Variants in PRTFDC1 observed in about 807,000 individuals in gnomAD.
PRTFDC1 encodes phosphoribosyl transferase domain containing 1.
A neutral mutation model predicts 34.6 loss-of-function variants in PRTFDC1; 38 were observed. The observed-to-expected ratio is 1.10, with a 90% CI of 0.85 to 1.44. The LOEUF is 1.44. PRTFDC1 is among the 40% of genes most tolerant of loss of function. The pLI is 0.00. For synonymous variants in PRTFDC1, 93 were observed against 98.1 expected, an observed-to-expected ratio of 0.95 and a Z score of 0.31; for missense variants, 270 against 283.0, an observed-to-expected ratio of 0.95 and a Z score of 0.33.
At chr10:24,889,118 G>A (rs560113431) in intron 3 of PRTFDC1, among the ~76,000 whole-genome samples, 12 of 152,236 alleles carry the variant, frequency 7.9e-5, no homozygotes, top group Admixed American at 3.3e-4. Flanking sequence ...CATGAAGGCT[G>A]AGCCCTTGTG....
intron 3 of PRTFDC1, among the ~76,000 whole-genome samples, chr10:24,921,446 G>A (rs1201521370): frequency 6.6e-6 from 1 of 152,112 alleles, no homozygotes; most frequent in African/African-American, 2.4e-5. Flanking sequence ...AGAGAGGAAG[G>A]AGTCATTCCA....
intron 3 of PRTFDC1, among the ~76,000 whole-genome samples, chr10:24,884,999 T>C (rs1848141835): frequency 6.6e-6 from 1 of 152,226 alleles, no homozygotes; most frequent in African/African-American, 2.4e-5. Context: ...CTGGGGGCCC[T>C]GTCTTCAACT....
At chr10:24,924,417 C>T (rs888622632) in intron 3 of PRTFDC1, among the ~76,000 whole-genome samples, 5 of 152,102 alleles carry the variant, frequency 3.3e-5, no homozygotes, top group African/African-American at 9.7e-5. Context: ...GGTTGGGTTA[C>T]CCACAAAGGG....
intron 7 of PRTFDC1, among the ~76,000 whole-genome samples, chr10:24,853,575 T>A (rs1847527195): frequency 6.6e-6 from 1 of 152,026 alleles, no homozygotes; most frequent in Non-Finnish European, 1.5e-5. Context: ...GCCACTGCAC[T>A]GGGCGACAGA....
At chr10:24,918,834 A>C (rs1848736814) in intron 3 of PRTFDC1, among the ~76,000 whole-genome samples, 1 of 152,150 alleles carries the variant, frequency 6.6e-6, no homozygotes, top group Non-Finnish European at 1.5e-5. Flanking sequence ...ACAAAGGAAA[A>C]CCCATAAAAA....
At chr10:24,923,771 G>A (rs1012622404) in intron 3 of PRTFDC1, among the ~76,000 whole-genome samples, 5 of 152,200 alleles carry the variant, frequency 3.3e-5, no homozygotes, top group African/African-American at 7.2e-5. Flanking sequence ...CTCCTCACCA[G>A]CAATGGAACA....
intron 4 of PRTFDC1, among the ~76,000 whole-genome samples, chr10:24,862,718 C>A (rs187492364): frequency 1.1e-4 from 17 of 151,944 alleles, no homozygotes; most frequent in Admixed American, 6.6e-5. Context: ...TTTATGGCAA[C>A]CCTGTGTTGA....
At position 24,880,819 on chromosome 10, in the gene PRTFDC1, C is replaced by CTTTCTTTCTTTCTTTCT. The variant is rs1477713051; in HGVS notation, c.340-8773_340-8757dup. ...ATTCCACTTTACTGTCTTTCTCTTT[C>CTTTCTTTCTTTCTTTCT]TTTCTTTCTTTCTTTCTTTCTTTCT... On this transcript the variant is annotated intron_variant, in intron 3 of 8. Coordinates refer to ENST00000320152, the MANE Select transcript of PRTFDC1 (RefSeq NM_020200.7). Among the ~76,000 whole-genome samples, 575 of 89,618 alleles carry CTTTCTTTCTTTCTTTCT rather than the reference C, an allele frequency of 6.4e-3. 6 individuals are homozygous for CTTTCTTTCTTTCTTTCT. Among genetic ancestry groups the CTTTCTTTCTTTCTTTCT allele is most frequent in the East Asian group, 0.029 (117 of 3,986 alleles). The allele number at this position is 89,618 out of a possible 152,430, so 58.8% of individuals were successfully genotyped here.
chr10:24,939,400 C>T (rs1456227595), intron 2 of PRTFDC1, among the ~76,000 whole-genome samples: 1 of 150,870 alleles, frequency 6.6e-6, no homozygotes, highest in African/African-American at 2.4e-5. Context: ...ACGATAGATA[C>T]TAAACATTAT....
intron 3 of PRTFDC1, among the ~76,000 whole-genome samples, chr10:24,888,370 C>T (rs1315291115): frequency 6.6e-6 from 1 of 152,176 alleles, no homozygotes; most frequent in African/African-American, 2.4e-5. Context: ...TTCAGTGACA[C>T]CTACCCGTTT....
chr10:24,908,533 C>T (rs780845694), intron 3 of PRTFDC1: 2 of 1,612,672 alleles, frequency 1.2e-6, no homozygotes, highest in Middle Eastern at 1.6e-4. Context: ...GTAACTGAAA[C>T]CGGATGTGGA....
intron 2 of PRTFDC1, 43 bp from the exon 3 acceptor site, chr10:24,937,410 G>T: frequency 1.3e-6 from 2 of 1,520,654 alleles, no homozygotes; most frequent in South Asian, 1.2e-5. Context: ...AACTACTTCT[G>T]AGTATTTATG....
chr10:24,887,996 A>G (rs1011930364), intron 3 of PRTFDC1, among the ~76,000 whole-genome samples: 3 of 152,186 alleles, frequency 2.0e-5, no homozygotes, highest in Non-Finnish European at 4.4e-5. Flanking sequence ...CTCGGGCTCA[A>G]GCAATCCTCC....
At chr10:24,871,074 A>AG (rs1847860867) in intron 4 of PRTFDC1, among the ~76,000 whole-genome samples, 1 of 150,470 alleles carries the variant, frequency 6.6e-6, no homozygotes, top group Admixed American at 6.9e-5. Flanking sequence ...CTGTCTAAAA[A>AG]AAAAAAAAAA....
intron 3 of PRTFDC1, among the ~76,000 whole-genome samples, chr10:24,930,387 G>C (rs1173544161): frequency 6.6e-6 from 1 of 152,078 alleles, no homozygotes; most frequent in African/African-American, 2.4e-5. Context: ...TTTCTTAGAA[G>C]GTACTACTTG....
chr10:24,900,970 T>C (rs1356275190), intron 3 of PRTFDC1, among the ~76,000 whole-genome samples: 1 of 152,180 alleles, frequency 6.6e-6, no homozygotes, highest in Non-Finnish European at 1.5e-5. Context: ...ATTTTGAAAT[T>C]TGTGGGTCTG....
intron 3 of PRTFDC1, among the ~76,000 whole-genome samples, chr10:24,886,177 CA>C (rs1484401789): frequency 6.6e-6 from 1 of 152,098 alleles, no homozygotes; most frequent in Non-Finnish European, 1.5e-5. Context: ...TTTATTGTAA[CA>C]AATGTTCAAC....
At position 24,894,391 on chromosome 10, in the gene PRTFDC1, C is replaced by T. The variant is rs75731147; in HGVS notation, c.340-22328G>A. On this transcript the variant is annotated intron_variant, in intron 3 of 8. Transcript: ENST00000320152. ...AGGAGGGCACTGCTGGCCCTTTGGC[C>T]GTGGGAAGTGCTGCATGAGCTGTGA... Among the ~76,000 whole-genome samples the T allele has an allele frequency of 6.2e-3, 940 of 151,944 alleles. 13 individuals carry two copies. Among genetic ancestry groups the T allele is most frequent in the African/African-American group, 0.021 (885 of 41,420 alleles).
chr10:24,879,198 G>A (rs1565263874), intron 3 of PRTFDC1, among the ~76,000 whole-genome samples: 1 of 152,170 alleles, frequency 6.6e-6, no homozygotes, highest in Non-Finnish European at 1.5e-5. Context: ...ACTCGTTGAT[G>A]TGAGATGTGA....
Sources: allele counts gnomAD v4.1 joint callset (sites outside exome capture counted in the v4.1 genomes callset), GRCh38; gene constraint gnomAD v4.1.1; transcripts MANE v1.5; gene names NCBI Gene and HGNC (gene_info 2026-07-23, HGNC 2026-07-21).